Variants in SEC24A observed in about 807,000 individuals in gnomAD.
SEC24A encodes the protein SEC24 homolog A, COPII component.
Under a neutral mutation model 129.4 loss-of-function variants are expected in SEC24A, and 93 were observed. The observed-to-expected ratio is 0.72, with a 90% confidence interval of 0.61 to 0.85. The LOEUF is 0.85. Among genes scored for constraint, SEC24A ranks in the 40% least tolerant of loss-of-function variants. The pLI, the probability that SEC24A is intolerant of heterozygous loss-of-function variation, is 0.00. For missense variants in SEC24A, 1,264 were observed against 1,307.4 expected (o/e 0.97, Z 0.51); for synonymous variants, 460 against 467.3 (o/e 0.98, Z 0.20).
chr5:134,698,616 G>A (rs1580724528), intron 15 of SEC24A, among the ~76,000 whole-genome samples: 1 of 141,948 alleles, frequency 7.0e-6, no homozygotes, highest in African/African-American at 2.5e-5. Context: ...AAAAAAAGAA[G>A]AAGATAGAGT....
At chr5:134,676,160 G>C in intron 7 of SEC24A, 35 bp downstream of exon 7, 1 of 1,416,826 alleles carries the variant, frequency 7.1e-7, no homozygotes, top group Non-Finnish European at 9.7e-7. Flanking sequence ...TTTTTTTTGA[G>C]ACGGAGTCTC....
intron 9 of SEC24A, 137 bp from the exon 10 acceptor site, chr5:134,686,653 T>C (rs1751462841): frequency 9.8e-6 from 5 of 507,890 alleles, no homozygotes; most frequent in Non-Finnish European, 1.7e-5. Flanking sequence ...CAATATAGTA[T>C]AGCTTTGCCT....
At chr5:134,707,361 ACTCTATC>A (rs1752195584) in intron 17 of SEC24A, among the ~76,000 whole-genome samples, 1 of 149,264 alleles carries the variant, frequency 6.7e-6, no homozygotes, top group Admixed American at 6.7e-5. Context: ...GTGGAGTCTC[ACTCTATC>A]GCCCAGGGTG....
intron 9 of SEC24A, among the ~76,000 whole-genome samples, chr5:134,684,227 C>A (rs530202274): frequency 6.7e-6 from 1 of 149,316 alleles, no homozygotes; most frequent in East Asian, 2.0e-4. Context: ...TGCTTGAAAC[C>A]GAAAGTCAGA....
chr5:134,682,953 A>C (rs1561815455), intron 9 of SEC24A, among the ~76,000 whole-genome samples: 1 of 152,138 alleles, frequency 6.6e-6, no homozygotes, highest in Non-Finnish European at 1.5e-5. Flanking sequence ...TGAAAGGTAA[A>C]AGTTTATGTA....
At chr5:134,708,992 G>A in intron 18 of SEC24A, 104 bp downstream of exon 18, 1 of 1,113,952 alleles carries the variant, frequency 9.0e-7, no homozygotes. Flanking sequence ...GATTGCTTGA[G>A]TCCAGGCATT....
intron 4 of SEC24A, among the ~76,000 whole-genome samples, chr5:134,672,101 T>A (rs1750886250): frequency 6.6e-6 from 1 of 152,190 alleles, no homozygotes; most frequent in South Asian, 2.1e-4. Flanking sequence ...CACTGCAGCC[T>A]CAGTCTCCTG....
At chr5:134,687,859 TC>T (rs1038496055) in intron 10 of SEC24A, among the ~76,000 whole-genome samples, 8 of 152,348 alleles carry the variant, frequency 5.3e-5, no homozygotes, top group Admixed American at 5.2e-4. Context: ...CTTAAAATCA[TC>T]TGCAAAATTT....
intron 15 of SEC24A, among the ~76,000 whole-genome samples, chr5:134,700,518 A>G (rs1260757572): frequency 6.6e-6 from 1 of 150,856 alleles, no homozygotes; most frequent in Non-Finnish European, 1.5e-5. Flanking sequence ...CACGCCCAGT[A>G]TAATAATATT....
In SEC24A at chr5:134,725,333, T is replaced by C. The variant is rs1490267545; in HGVS notation, c.*239T>C. The C allele has an allele frequency of 3.2e-6, 1 of 316,144 alleles. No individual in the cohort carries two copies. Among genetic ancestry groups the C allele is most frequent in the Non-Finnish European group, 5.7e-6 (1 of 174,910 alleles). The allele number at this position is 316,144 out of a possible 1,614,324, so 19.6% of individuals were successfully genotyped here. A position where few individuals can be genotyped will look rare whatever the true frequency, so the allele number is the denominator to read the frequency against. On this transcript the variant is annotated 3_prime_UTR_variant, in exon 23 of 23. Coordinates refer to ENST00000398844, the MANE Select transcript of SEC24A (RefSeq NM_021982.3). Reference sequence around the variant, plus strand: ...AGCTACGTATGATTGGATACTTTTTTCTTGCCAATTATGTTTGAGTTGTTA... The same window carrying C: ...AGCTACGTATGATTGGATACTTTTTCCTTGCCAATTATGTTTGAGTTGTTA...
chr5:134,694,371 C>T (rs1346164612), intron 13 of SEC24A, among the ~76,000 whole-genome samples: 1 of 152,056 alleles, frequency 6.6e-6, no homozygotes, highest in Non-Finnish European at 1.5e-5. Context: ...ACTAAAAATA[C>T]AAAATTGGCT....
intron 9 of SEC24A, among the ~76,000 whole-genome samples, chr5:134,685,849 C>T (rs1341584673): frequency 2.6e-5 from 4 of 151,888 alleles, no homozygotes; most frequent in Non-Finnish European, 4.4e-5. Context: ...ATTAGCCGGG[C>T]GTGGTGGCGC....
At chr5:134,695,793 A>G (rs1482327867) in intron 13 of SEC24A, among the ~76,000 whole-genome samples, 2 of 151,726 alleles carry the variant, frequency 1.3e-5, no homozygotes, top group Non-Finnish European at 2.9e-5. Flanking sequence ...CAACAACAAC[A>G]AAAAACAAAA....
intron 8 of SEC24A, among the ~76,000 whole-genome samples, chr5:134,680,369 G>A (rs1751223976): frequency 6.6e-6 from 1 of 152,186 alleles, no homozygotes; most frequent in African/African-American, 2.4e-5. Flanking sequence ...GTCTCACTCT[G>A]TTGCCCAGGC....
rs946986771 is a variant in SEC24A, at chr5:134,702,937, G to A, written c.2267-822G>A. Among the ~76,000 whole-genome samples, 4 of 151,992 alleles carry A rather than the reference G, an allele frequency of 2.6e-5. No homozygotes were observed. In the East Asian group the frequency reaches 5.8e-4, roughly 22 times the overall value. ...GTGCCACCATGCCCGGCTAATTTTTGTATTTTTAGTAGAGACAGGATTTCA... is the reference window on the plus strand; with the variant it reads ...GTGCCACCATGCCCGGCTAATTTTTATATTTTTAGTAGAGACAGGATTTCA... On this transcript the variant is annotated intron_variant, in intron 15 of 22. Transcript: ENST00000398844.
chr5:134,676,690 C>T (rs1246613015), intron 7 of SEC24A, among the ~76,000 whole-genome samples: 1 of 152,092 alleles, frequency 6.6e-6, no homozygotes, highest in South Asian at 2.1e-4. Flanking sequence ...ATCTGCCCAC[C>T]TCCCAAAGTG....
At position 134,708,725 on chromosome 5, in the gene SEC24A, C is replaced by G. The variant is rs920880068; in HGVS notation, c.2564C>G (p.Ser855Cys). 6.2e-7 allele frequency: 1 copy of G among 1,613,106 alleles called. No individual in the cohort carries two copies. The highest frequency in any genetic ancestry group is 8.5e-7 in the Non-Finnish European group (1 of 1,179,694). Residue 855 changes from serine (S) to cysteine (C), a missense_variant, in exon 18 of 23, where the codon TCT (serine) becomes TGT (cysteine). Coordinates refer to ENST00000398844, the MANE Select transcript of SEC24A (RefSeq NM_021982.3). ...GLLANMAVDRSMTASLSDARD... is the reference protein window; with the variant it reads ...GLLANMAVDRCMTASLSDARD... ...TCACCTTGCTTAGCTGTTGACAGAT[C>G]TATGACTGCCAGTCTGAGTGACGCT...
chr5:134,670,338 T>G (rs1750813931), intron 3 of SEC24A, among the ~76,000 whole-genome samples: 1 of 152,248 alleles, frequency 6.6e-6, no homozygotes, highest in African/African-American at 2.4e-5. Flanking sequence ...ATGTTGGTCT[T>G]GAGAACTGGA....
At chr5:134,707,700 T>C (rs1018036481) in intron 17 of SEC24A, among the ~76,000 whole-genome samples, 4 of 152,186 alleles carry the variant, frequency 2.6e-5, no homozygotes, top group Admixed American at 6.6e-5. Flanking sequence ...AACTATTAGA[T>C]GGGTTTTGTG....
Sources: gnomAD v4.1 joint callset for allele counts (sites outside exome capture counted in the v4.1 genomes callset) on GRCh38, gnomAD v4.1.1 for gene constraint, MANE v1.5 for transcripts, NCBI Gene and HGNC (gene_info 2026-07-23, HGNC 2026-07-21) for gene names.